ADARB2: variants seen among roughly 807,000 people sequenced by gnomAD.
The protein encoded by ADARB2 is inactive double-stranded RNA-specific editase B2.
Under a neutral mutation model 62.2 loss-of-function variants are expected in ADARB2, and 25 were observed. The observed-to-expected ratio is 0.40, with a 90% CI of 0.29 to 0.56. ADARB2 has a LOEUF of 0.56. ADARB2 is among the 20% of genes least tolerant of loss of function. The pLI, the probability that ADARB2 is intolerant of heterozygous loss-of-function variation, is 0.43. For missense variants in ADARB2, 1,071 were observed against 1,077.4 expected (o/e 0.99, Z 0.08); for synonymous variants, 572 against 500.8 (o/e 1.14, Z -1.90).
intron 1 of ADARB2, among the ~76,000 whole-genome samples, chr10:1,562,111 C>G (rs1239233519): frequency 2.0e-5 from 3 of 152,168 alleles, no homozygotes; most frequent in Non-Finnish European, 4.4e-5. Context: ...CACGTGTCCT[C>G]TCTTCTCAGG....
At chr10:1,445,534 A>G (rs1442321787) in intron 1 of ADARB2, among the ~76,000 whole-genome samples, 1 of 151,696 alleles carries the variant, frequency 6.6e-6, no homozygotes, top group Non-Finnish European at 1.5e-5. Flanking sequence ...CCTTCTGTCC[A>G]TACATCTAAA....
intron 1 of ADARB2, among the ~76,000 whole-genome samples, chr10:1,505,892 C>CA (rs548190058): frequency 1.2e-3 from 180 of 152,332 alleles, no homozygotes; most frequent in Non-Finnish European, 1.8e-3. Flanking sequence ...TGACATCTCA[C>CA]AAAAAAGTAA....
At chr10:1,530,368 T>C (rs1832215599) in intron 1 of ADARB2, among the ~76,000 whole-genome samples, 1 of 152,228 alleles carries the variant, frequency 6.6e-6, no homozygotes, top group South Asian at 2.1e-4. Flanking sequence ...ACTTGCGTCC[T>C]GGGTTTCCTC....
At chr10:1,620,488 A>G (rs1430034031) in intron 1 of ADARB2, among the ~76,000 whole-genome samples, 2 of 152,226 alleles carry the variant, frequency 1.3e-5, no homozygotes, top group African/African-American at 4.8e-5. Context: ...TAACAATTAG[A>G]GATCCCTTTA....
chr10:1,476,568 A>G (rs1171331940), intron 1 of ADARB2, among the ~76,000 whole-genome samples: 1 of 152,138 alleles, frequency 6.6e-6, no homozygotes, highest in Non-Finnish European at 1.5e-5. Context: ...TTCCATGGAA[A>G]CGCACACAGG....
intron 4 of ADARB2, among the ~76,000 whole-genome samples, chr10:1,261,535 A>G (rs1288221800): frequency 6.6e-6 from 1 of 150,622 alleles, no homozygotes; most frequent in East Asian, 1.9e-4. Context: ...TGCAGCCAAA[A>G]GACACATGAA....
rs1315583841 is a variant in ADARB2, at chr10:1,533,475, C to T, written c.101-154315G>A. The stretch of plus-strand genomic sequence containing the variant: ...TTAATCACAATCCTGAGAGGTGTGA[C>T]CCTGGCATTGCCACGTGCGAGTCCC... On this transcript the variant is annotated intron_variant, in intron 1 of 9. Coordinates refer to ENST00000381312, the MANE Select transcript of ADARB2 (RefSeq NM_018702.4). 2.0e-5 allele frequency among the ~76,000 whole-genome samples: 3 copies of T among 152,150 alleles called. No individual in the cohort carries two copies. In the East Asian group the frequency reaches 5.8e-4, roughly 29 times the overall value.
At position 1,509,285 on chromosome 10, in the gene ADARB2, A is replaced by G. The variant is rs904355870; in HGVS notation, c.101-130125T>C. 3.9e-5 allele frequency among the ~76,000 whole-genome samples: 6 copies of G among 152,286 alleles called. No individual in the cohort carries two copies. In the South Asian group the frequency reaches 8.3e-4, roughly 21 times the overall value. On this transcript the variant is annotated intron_variant, in intron 1 of 9. Transcript: ENST00000381312. ...TTATGACCTCACTGTCGGAGATGATACCATTACCAAGCTTGATAAACCATT... is the reference window on the plus strand; with the variant it reads ...TTATGACCTCACTGTCGGAGATGATGCCATTACCAAGCTTGATAAACCATT...
intron 1 of ADARB2, among the ~76,000 whole-genome samples, chr10:1,653,632 AGT>A (rs898034943): frequency 8.8e-4 from 126 of 143,742 alleles, no homozygotes; most frequent in African/African-American, 2.8e-3. Flanking sequence ...GCAGAGCCGC[AGT>A]GTCCACCCAA....
intron 1 of ADARB2, among the ~76,000 whole-genome samples, chr10:1,390,681 C>T (rs952380386): frequency 6.6e-6 from 1 of 152,150 alleles, no homozygotes; most frequent in African/African-American, 2.4e-5. Context: ...GATGTGAAAG[C>T]TCAAATATAT....
chr10:1,466,899 C>T (rs938748967), intron 1 of ADARB2, among the ~76,000 whole-genome samples: 4 of 152,036 alleles, frequency 2.6e-5, no homozygotes, highest in African/African-American at 7.2e-5. Flanking sequence ...GAGACACAGC[C>T]CTGCGTGTTG....
In ADARB2 at chr10:1,375,939, G is replaced by A. The variant is rs1038568167; in HGVS notation, c.187+3135C>T. Among the ~76,000 whole-genome samples, 3 of 128,310 alleles carry A rather than the reference G, an allele frequency of 2.3e-5. No individual in the cohort carries two copies. In the Admixed American group the frequency reaches 2.3e-4, roughly 10 times the overall value. 84.2% of individuals were successfully genotyped at this position (128,310 alleles called of 152,430 possible). ...TGCCACACATGCACACACGTGCACA[G>A]ACACACACCACACACATGCACACAC... On this transcript the variant is annotated intron_variant, in intron 2 of 9. Transcript: ENST00000381312.
intron 1 of ADARB2, among the ~76,000 whole-genome samples, chr10:1,703,507 A>G (rs1013771671): frequency 2.0e-5 from 3 of 152,150 alleles, no homozygotes; most frequent in Admixed American, 6.5e-5. Context: ...TCCAGCAGAG[A>G]GGGGAGAGTT....
At chr10:1,630,976 CA>C (rs1374603869) in intron 1 of ADARB2, among the ~76,000 whole-genome samples, 1 of 151,364 alleles carries the variant, frequency 6.6e-6, no homozygotes, top group Non-Finnish European at 1.5e-5. Flanking sequence ...AACAAACAAA[CA>C]AACAAACAAA....
intron 7 of ADARB2, among the ~76,000 whole-genome samples, chr10:1,213,091 A>T (rs371375605): frequency 2.0e-5 from 3 of 152,162 alleles, no homozygotes; most frequent in African/African-American, 7.2e-5. Context: ...TGGAGCAGAG[A>T]TGAAGAGATG....
At chr10:1,362,358 C>G (rs1832265899) in intron 3 of ADARB2, among the ~76,000 whole-genome samples, 1 of 152,252 alleles carries the variant, frequency 6.6e-6, no homozygotes, top group South Asian at 2.1e-4. Context: ...TCTTTCCTTG[C>G]TGTGTGGGTT....
intron 1 of ADARB2, among the ~76,000 whole-genome samples, chr10:1,409,177 T>C (rs946455579): frequency 4.1e-5 from 6 of 145,336 alleles, no homozygotes; most frequent in African/African-American, 1.5e-4. Context: ...CAGGTATCTC[T>C]GCCTTCCTCG....
intron 1 of ADARB2, among the ~76,000 whole-genome samples, chr10:1,444,482 C>T (rs921149113): frequency 1.3e-5 from 2 of 151,168 alleles, no homozygotes; most frequent in South Asian, 2.1e-4. Context: ...TTCCATCTAA[C>T]CATCCATCCA....
intron 1 of ADARB2, among the ~76,000 whole-genome samples, chr10:1,626,931 C>T (rs1441552969): frequency 6.6e-6 from 1 of 152,120 alleles, no homozygotes; most frequent in Non-Finnish European, 1.5e-5. Context: ...CAGCACCCAC[C>T]CTGTGCCTTC....
Sources: allele counts gnomAD v4.1 joint callset (sites outside exome capture counted in the v4.1 genomes callset), GRCh38; gene constraint gnomAD v4.1.1; transcripts MANE v1.5; gene names NCBI Gene and HGNC (gene_info 2026-07-23, HGNC 2026-07-21).